The following CACNA2D3 variants were observed in gnomAD, a reference collection of about 807,000 sequenced individuals.
CACNA2D3 encodes the protein calcium voltage-gated channel auxiliary subunit alpha2delta 3.
In CACNA2D3, 60 loss-of-function variants were observed where a neutral mutation model predicts 160.6. That is an observed-to-expected ratio of 0.37 (90% CI 0.30 to 0.46). CACNA2D3 has a LOEUF of 0.46. CACNA2D3 is among the 20% of genes least tolerant of loss of function. CACNA2D3 has a pLI of 1.00. For synonymous variants in CACNA2D3, 558 were observed against 492.9 expected (o/e 1.13, Z -1.75); for missense variants, 1,205 against 1,365.0 (o/e 0.88, Z 1.85).
At position 54,926,505 on chromosome 3, in the gene CACNA2D3, T is replaced by TACACACAC. The variant is rs36205023; in HGVS notation, c.2449+26678_2449+26685dup. ...CTACTGTGCTCCACTGCCTGTCAAATACACACACACACACACACACACACA... is the reference window on the plus strand; with the variant it reads ...CTACTGTGCTCCACTGCCTGTCAAATACACACACACACACACACACACACACACACACA... On this transcript the variant is annotated intron_variant, in intron 27 of 37. Coordinates refer to ENST00000474759, the MANE Select transcript of CACNA2D3 (RefSeq NM_018398.3). Among the ~76,000 whole-genome samples, 78 of 143,406 alleles carry TACACACAC rather than the reference T, an allele frequency of 5.4e-4. 1 individual carries two copies. The East Asian group carries it at 5.5e-3, about 10-fold the overall frequency. 94.1% of individuals were successfully genotyped at this position (143,406 alleles called of 152,430 possible). A position where few individuals can be genotyped will look rare whatever the true frequency, so the allele number is the denominator to read the frequency against.
chr3:54,955,302 G>C (rs9821607), intron 27 of CACNA2D3, among the ~76,000 whole-genome samples: 5,417 of 152,140 alleles, frequency 0.036, 312 homozygotes, highest in African/African-American at 0.12. Context: ...ATAATGTCCC[G>C]CAGGTAATCT....
chr3:54,503,683 G>A (rs1701326438), intron 5 of CACNA2D3, 29 bp downstream of exon 5: 3 of 1,603,074 alleles, frequency 1.9e-6, no homozygotes, highest in Admixed American at 3.4e-5. Context: ...GCTCCTTTTA[G>A]AAGGTGAAGA....
chr3:54,809,326 T>TGTTCCTCTCTTCCTCCC (rs1559590283), intron 13 of CACNA2D3, among the ~76,000 whole-genome samples: 2 of 120,140 alleles, frequency 1.7e-5, no homozygotes, highest in African/African-American at 7.2e-5. Context: ...TTTTTTTTTT[T>TGTTCCTCTCTTCCTCCC]TTTGAGACGG....
chr3:54,626,840 C>G (rs898590009), intron 9 of CACNA2D3, among the ~76,000 whole-genome samples: 12 of 152,190 alleles, frequency 7.9e-5, no homozygotes, highest in African/African-American at 2.9e-4. Flanking sequence ...GTGCACTGAC[C>G]TGTTCCTGGG....
At chr3:54,685,259 G>A (rs1364332017) in intron 11 of CACNA2D3, among the ~76,000 whole-genome samples, 2 of 152,200 alleles carry the variant, frequency 1.3e-5, no homozygotes, top group South Asian at 2.1e-4. Context: ...TGAATCGGAG[G>A]TCCTCAAAGT....
chr3:54,985,231 A>G (rs1270436578), intron 30 of CACNA2D3, among the ~76,000 whole-genome samples: 1 of 152,208 alleles, frequency 6.6e-6, no homozygotes, highest in Non-Finnish European at 1.5e-5. Flanking sequence ...TGACTGCACC[A>G]TGTGCAGTGT....
chr3:55,067,412 T>C (rs1704683764), intron 35 of CACNA2D3, among the ~76,000 whole-genome samples: 1 of 152,238 alleles, frequency 6.6e-6, no homozygotes, highest in African/African-American at 2.4e-5. Context: ...ACTTAGTTTT[T>C]TGTTTCCCTA....
intron 9 of CACNA2D3, chr3:54,626,512 A>G: frequency 1.9e-6 from 3 of 1,608,036 alleles, no homozygotes; most frequent in Non-Finnish European, 2.5e-6. Flanking sequence ...CAACGGCAAG[A>G]CCTTCAACCA....
intron 4 of CACNA2D3, among the ~76,000 whole-genome samples, chr3:54,493,268 G>T (rs1472100259): frequency 6.6e-6 from 1 of 151,612 alleles, no homozygotes; most frequent in Non-Finnish European, 1.5e-5. Flanking sequence ...ATAGAGACAG[G>T]GTTTCACTGT....
At chr3:54,367,537 T>C in intron 3 of CACNA2D3, 1 of 315,202 alleles carries the variant, frequency 3.2e-6, no homozygotes, top group Non-Finnish European at 6.3e-6. Context: ...AGTGCAGGGC[T>C]CATGAGGAAT....
intron 27 of CACNA2D3, among the ~76,000 whole-genome samples, chr3:54,922,262 C>T (rs1700873833): frequency 6.6e-6 from 1 of 151,634 alleles, no homozygotes; most frequent in South Asian, 2.1e-4. Context: ...AAGTTTGTGG[C>T]AGAGTAGGGC....
intron 27 of CACNA2D3, among the ~76,000 whole-genome samples, chr3:54,963,416 C>T (rs1370303420): frequency 2.6e-5 from 4 of 152,202 alleles, no homozygotes; most frequent in Non-Finnish European, 4.4e-5. Context: ...TATTCTAGAT[C>T]TGCATGGTCC....
At chr3:54,740,989 G>A (rs1559565575) in intron 11 of CACNA2D3, among the ~76,000 whole-genome samples, 1 of 152,180 alleles carries the variant, frequency 6.6e-6, no homozygotes, top group Non-Finnish European at 1.5e-5. Flanking sequence ...GCTTCTTACT[G>A]TGGGGCTTTG....
chr3:54,976,056 TACAC>T (rs3841944), intron 29 of CACNA2D3, among the ~76,000 whole-genome samples: 4,314 of 144,976 alleles, frequency 0.03, 130 homozygotes, highest in African/African-American at 0.088. Flanking sequence ...TAGATATAGA[TACAC>T]ACACACACAC....
chr3:54,208,336 G>C (rs942595348), intron 2 of CACNA2D3, among the ~76,000 whole-genome samples: 3 of 152,182 alleles, frequency 2.0e-5, no homozygotes, highest in Non-Finnish European at 2.9e-5. Context: ...TCAAACTCCT[G>C]ACCTCAAGTG....
intron 27 of CACNA2D3, among the ~76,000 whole-genome samples, chr3:54,939,367 G>A (rs944438257): frequency 1.3e-5 from 2 of 152,198 alleles, no homozygotes; most frequent in African/African-American, 4.8e-5. Context: ...TCATCTGCCG[G>A]ACTTCAAAGC....
At chr3:54,432,073 G>A (rs758937864) in intron 4 of CACNA2D3, among the ~76,000 whole-genome samples, 1 of 152,014 alleles carries the variant, frequency 6.6e-6, no homozygotes, top group South Asian at 2.1e-4. Context: ...CTGTAATGGT[G>A]GAAAAAATAT....
chr3:54,528,338 A>G (rs922170629), intron 5 of CACNA2D3, among the ~76,000 whole-genome samples: 4 of 152,224 alleles, frequency 2.6e-5, no homozygotes, highest in Non-Finnish European at 5.9e-5. Context: ...TGAGTTAACA[A>G]CACTTAAAAA....
chr3:54,145,576 C>G (rs1471429752), intron 2 of CACNA2D3, among the ~76,000 whole-genome samples: 2 of 152,184 alleles, frequency 1.3e-5, no homozygotes, highest in African/African-American at 2.4e-5. Context: ...CAGAGCCTAG[C>G]CCTGCATGGC....
Sources: allele counts gnomAD v4.1 joint callset (sites outside exome capture counted in the v4.1 genomes callset), GRCh38; gene constraint gnomAD v4.1.1; transcripts MANE v1.5; gene names NCBI Gene and HGNC (gene_info 2026-07-23, HGNC 2026-07-21).